Variants in DIPK2B observed in about 807,000 individuals in gnomAD.
The protein encoded by DIPK2B is UPF0672 protein CXorf36.
DIPK2B carries 15 observed loss-of-function variants against 22.2 expected under a neutral mutation model. That is an observed-to-expected ratio of 0.68 (90% CI 0.45 to 1.04). The LOEUF (loss-of-function observed/expected upper bound fraction) is 1.04. Among genes scored for constraint, DIPK2B ranks in the 50% least tolerant of loss-of-function variants. The probability of loss-of-function intolerance (pLI) is 0.00; values close to 1 mark genes in which losing one functional copy is unlikely to be tolerated. For missense variants in DIPK2B, 345 were observed against 348.3 expected, an observed-to-expected ratio of 0.99 and a Z score of 0.08; for synonymous variants, 163 against 153.2, an observed-to-expected ratio of 1.06 and a Z score of -0.47.
intron 2 of DIPK2B, among the ~76,000 whole-genome samples, chrX:45,166,106 TTTTGGGATTTTGA>T (rs1359083290): frequency 1.8e-5 from 2 of 111,504 alleles, no homozygotes; most frequent in Non-Finnish European, 3.8e-5. Context: ...TCTGATTCCC[TTTTGGGATTTTGA>T]TTTGGGATCT....
chrX:45,196,958 C>A (rs1388586451), intron 1 of DIPK2B, among the ~76,000 whole-genome samples: 4 of 111,907 alleles, frequency 3.6e-5, no homozygotes, highest in Non-Finnish European at 7.5e-5. Context: ...TGTGATTCAT[C>A]CTTAGCATTC....
chrX:45,181,116 C>T (rs1034157747), intron 2 of DIPK2B, among the ~76,000 whole-genome samples: 1 of 111,547 alleles, frequency 9.0e-6, no homozygotes, highest in South Asian at 3.7e-4. Context: ...TCCAGTGTAC[C>T]TAACAATATC....
intron 2 of DIPK2B, among the ~76,000 whole-genome samples, chrX:45,183,066 T>A (rs1020650231): frequency 5.3e-5 from 6 of 112,357 alleles, no homozygotes; most frequent in African/African-American, 1.3e-4. Flanking sequence ...TTTATCCAGC[T>A]ATGCACTTAA....
intron 3 of DIPK2B, among the ~76,000 whole-genome samples, chrX:45,156,026 G>A (rs915063798): frequency 2.5e-4 from 24 of 97,832 alleles, no homozygotes; most frequent in Non-Finnish European, 1.0e-4. Flanking sequence ...GAGTGCAGTG[G>A]TGTGATCTTG....
At chrX:45,185,617 A>G (rs1023447597) in intron 2 of DIPK2B, among the ~76,000 whole-genome samples, 10 of 106,801 alleles carry the variant, frequency 9.4e-5, no homozygotes, top group Non-Finnish European at 1.7e-4. Context: ...AGGACTGGGG[A>G]AGCCTTTCAC....
intron 2 of DIPK2B, among the ~76,000 whole-genome samples, chrX:45,174,154 T>C (rs1490282770): frequency 9.0e-6 from 1 of 111,704 alleles, no homozygotes; most frequent in Admixed American, 9.5e-5. Context: ...TCAATGGTCC[T>C]TCGGGACCAT....
At chrX:45,157,949 G>A in intron 2 of DIPK2B, 61 bp from the exon 3 acceptor site, 1 of 873,537 alleles carries the variant, frequency 1.1e-6, no homozygotes, top group Middle Eastern at 4.7e-4. Context: ...CTCTTGTGGG[G>A]GGTTAGCAGG....
At position 45,200,601 on chromosome X, in the gene DIPK2B, CTTCTTTA is replaced by C. The variant is rs752599927; in HGVS notation, c.219_225del (p.Phe73LeufsTer3). The C allele has an allele frequency of 1.4e-5, 17 of 1,208,071 alleles. No individual in the cohort carries two copies. The highest frequency in any genetic ancestry group is 1.9e-5 in the Non-Finnish European group (17 of 892,861). On this transcript the variant is annotated frameshift_variant, in exon 1 of 5. Transcript: ENST00000398000. LOFTEE classifies it high-confidence loss of function. ...TTTGATTGATATTCTGACCTTATTT[CTTCTTTA>C]AAGAACTTCTTGCAAATAGATGTCC...
intron 2 of DIPK2B, chrX:45,164,160 TCTC>T (rs1243110322): frequency 8.5e-7 from 1 of 1,170,691 alleles, no homozygotes; most frequent in East Asian, 3.0e-5. Flanking sequence ...TTCTGGAAGT[TCTC>T]AGTGCTGGGC....
At chrX:45,187,468 GCACACACA>G (rs34308256) in intron 2 of DIPK2B, among the ~76,000 whole-genome samples, 1,400 of 98,390 alleles carry the variant, frequency 0.014, 30 homozygotes, top group African/African-American at 0.039. Context: ...GCGCGCGCGC[GCACACACA>G]CACACACACA....
At chrX:45,156,479 A>G (rs1036747484) in intron 3 of DIPK2B, among the ~76,000 whole-genome samples, 3 of 112,022 alleles carry the variant, frequency 2.7e-5, no homozygotes, top group African/African-American at 9.7e-5. Flanking sequence ...GGGAGAAAAG[A>G]TCTGTGAGAG....
intron 2 of DIPK2B, chrX:45,163,185 T>C: frequency 2.0e-5 from 4 of 202,427 alleles, no homozygotes; most frequent in Non-Finnish European, 3.0e-5. Context: ...AAAACAGATT[T>C]TTTTAAGGAA....
At position 45,148,786 on chromosome X, in the gene DIPK2B, T is replaced by TA. The variant is rs2046945759; in HGVS notation, c.*2865dup. On this transcript the variant is annotated 3_prime_UTR_variant, in exon 5 of 5. Transcript: ENST00000398000. The stretch of plus-strand genomic sequence containing the variant: ...GTGGATGTGAACACAGCTGTACACA[T>TA]ACACAAAATTTTATTGTAATTTATA... 9.0e-6 allele frequency: 1 copy of TA among 111,178 alleles called. No homozygotes were observed. The highest frequency in any genetic ancestry group is 3.3e-5 in the African/African-American group (1 of 30,512). The allele number at this position is 111,178 out of a possible 1,213,427, so 9.2% of individuals were successfully genotyped here. A position where few individuals can be genotyped will look rare whatever the true frequency, so the allele number is the denominator to read the frequency against.
chrX:45,200,474 T>C (rs2047261321), intron 1 of DIPK2B, 120 bp downstream of exon 1: 1 of 695,911 alleles, frequency 1.4e-6, no homozygotes, highest in East Asian at 3.5e-5. Flanking sequence ...TCTGATTAAA[T>C]GGATTTGTTT....
At chrX:45,163,603 T>G (rs755140420) in intron 2 of DIPK2B, 1 of 752,725 alleles carries the variant, frequency 1.3e-6, no homozygotes, top group East Asian at 1.5e-4. Context: ...TAAAGAGTTC[T>G]TACCAGAATG....
At chrX:45,190,866 A>G (rs1358377157) in intron 2 of DIPK2B, among the ~76,000 whole-genome samples, 1 of 112,337 alleles carries the variant, frequency 8.9e-6, no homozygotes, top group Non-Finnish European at 1.9e-5. Context: ...TCTCTACTGT[A>G]CTGTTATTAC....
At chrX:45,187,072 ACT>A (rs1396745507) in intron 2 of DIPK2B, among the ~76,000 whole-genome samples, 4 of 111,579 alleles carry the variant, frequency 3.6e-5, no homozygotes, top group African/African-American at 1.3e-4. Flanking sequence ...CTGACTGAAC[ACT>A]CTGTACTGCC....
At chrX:45,188,099 C>T (rs2047193639) in intron 2 of DIPK2B, among the ~76,000 whole-genome samples, 1 of 111,745 alleles carries the variant, frequency 8.9e-6, no homozygotes, top group South Asian at 3.7e-4. Context: ...TATAATAGCT[C>T]CCCAGTTGGC....
At chrX:45,200,475 G>T in intron 1 of DIPK2B, 119 bp downstream of exon 1, 1 of 697,106 alleles carries the variant, frequency 1.4e-6, no homozygotes, top group Non-Finnish European at 2.1e-6. Context: ...CTGATTAAAT[G>T]GATTTGTTTC....
Sources: allele counts gnomAD v4.1 joint callset (sites outside exome capture counted in the v4.1 genomes callset), GRCh38; gene constraint gnomAD v4.1.1; transcripts MANE v1.5; gene names NCBI Gene and HGNC (gene_info 2026-07-23, HGNC 2026-07-21).